The following OR1J2 variants were observed in gnomAD, a reference collection of about 807,000 sequenced individuals.
OR1J2 encodes olfactory receptor family 1 subfamily J member 2, also known as olfactory receptor 1J2.
For missense variants in OR1J2, 304 were observed against 246.1 expected (o/e 1.24, Z -1.57); for synonymous variants, 142 against 99.7 (o/e 1.42, Z -2.52).
chr9:122,476,927 C>A, the OR1J2 span: 1 of 960,804 alleles, frequency 1.0e-6, no homozygotes, highest in African/African-American at 1.6e-5. Context: ...AGGCTGGTCT[C>A]GAACTCCTGA....
At chr9:122,545,729 A>AC in the OR1J2 span, among the ~76,000 whole-genome samples, 61 of 152,224 alleles carry the variant, frequency 4.0e-4, no homozygotes, top group South Asian at 2.3e-3. Context: ...AGAAACTGGG[A>AC]CCCCAGAATT....
chr9:122,523,234 G>C, the OR1J2 span, among the ~76,000 whole-genome samples: 1 of 152,162 alleles, frequency 6.6e-6, no homozygotes, highest in Non-Finnish European at 1.5e-5. Flanking sequence ...TATGTTCAGG[G>C]AAATGTAAGA....
the OR1J2 span, among the ~76,000 whole-genome samples, chr9:122,497,192 G>C: frequency 6.6e-6 from 1 of 152,274 alleles, no homozygotes; most frequent in South Asian, 2.1e-4. Flanking sequence ...CAGTGATCCA[G>C]TTCCTTCAAA....
At chr9:122,467,414 T>G in the OR1J2 span, among the ~76,000 whole-genome samples, 1 of 152,174 alleles carries the variant, frequency 6.6e-6, no homozygotes, top group African/African-American at 2.4e-5. Context: ...GGGGAAATAA[T>G]TTTAGAATTT....
the OR1J2 span, among the ~76,000 whole-genome samples, chr9:122,484,260 C>A: frequency 6.1e-3 from 924 of 152,162 alleles, 7 homozygotes; most frequent in African/African-American, 0.021. Context: ...CTCCTGGGTT[C>A]AAGAGATTCT....
chr9:122,565,343 G>A, the OR1J2 span, among the ~76,000 whole-genome samples: 2 of 152,216 alleles, frequency 1.3e-5, no homozygotes, highest in East Asian at 1.9e-4. Context: ...CAGAAGGGGA[G>A]GTTTTAATAA....
At chr9:122,577,377 A>T in the OR1J2 span, among the ~76,000 whole-genome samples, 1 of 152,230 alleles carries the variant, frequency 6.6e-6, no homozygotes, top group African/African-American at 2.4e-5. Context: ...AGTTTTCAGT[A>T]GTTTTACACA....
At chr9:122,459,907 C>T in the OR1J2 span, among the ~76,000 whole-genome samples, 3 of 152,024 alleles carry the variant, frequency 2.0e-5, no homozygotes, top group Non-Finnish European at 2.9e-5. Flanking sequence ...AAAATAATTG[C>T]GGGTTTTGCC....
chr9:122,549,355 C>T, the OR1J2 span, among the ~76,000 whole-genome samples: 1 of 152,188 alleles, frequency 6.6e-6, no homozygotes, highest in Non-Finnish European at 1.5e-5. Context: ...GTACAGCCTG[C>T]AGAACCATGG....
chr9:122,477,051 C>G, the OR1J2 span: 1 of 1,614,078 alleles, frequency 6.2e-7, no homozygotes, highest in Non-Finnish European at 8.5e-7. Context: ...CTTTATTTCT[C>G]AGACTGTAAA....
chr9:122,481,103 C>T, the OR1J2 span, among the ~76,000 whole-genome samples: 7 of 152,160 alleles, frequency 4.6e-5, no homozygotes, highest in Non-Finnish European at 8.8e-5. Flanking sequence ...CCCATCCACC[C>T]TCTAAAAGGC....
Position 122,511,086 on chromosome 9 carries a change from G to A in OR1J2, c.285G>A (p.Glu95=). 8.6e-7 allele frequency: 1 copy of A among 1,159,226 alleles called. No individual in the cohort carries two copies. Among genetic ancestry groups the A allele is most frequent in the South Asian group, 1.4e-5 (1 of 72,686 alleles). 71.8% of individuals were successfully genotyped at this position (1,159,226 alleles called of 1,614,324 possible). Residue 95 remains glutamate, a synonymous_variant, in exon 1 of 1, where the codon GAG becomes GAA. Transcript: ENST00000335302. The stretch of plus-strand genomic sequence containing the variant: ...CTAAGTACAAATCGATCCTCTATGA[G>A]GAATGCATTTCTCAGATGTATTTTT... ...MRTKYKSILY[E]ECISQMYFFI...
At chr9:122,577,179 T>C in the OR1J2 span, among the ~76,000 whole-genome samples, 1 of 151,216 alleles carries the variant, frequency 6.6e-6, no homozygotes, top group Non-Finnish European at 1.5e-5. Flanking sequence ...TGACCTAGTC[T>C]TTTTTTTAAC....
chr9:122,469,134 G>A, the OR1J2 span, among the ~76,000 whole-genome samples: 11 of 152,198 alleles, frequency 7.2e-5, no homozygotes, highest in South Asian at 2.1e-4. Flanking sequence ...GTTTGCCCTC[G>A]CTTGAGCCTG....
the OR1J2 span, among the ~76,000 whole-genome samples, chr9:122,478,240 T>C: frequency 6.6e-6 from 1 of 152,222 alleles, no homozygotes; most frequent in African/African-American, 2.4e-5. Context: ...GCCTTCAATA[T>C]ATGAGCTGGG....
At chr9:122,522,766 A>G in the OR1J2 span, among the ~76,000 whole-genome samples, 1 of 152,218 alleles carries the variant, frequency 6.6e-6, no homozygotes, top group African/African-American at 2.4e-5. Flanking sequence ...ATTCTTGGTC[A>G]AACAGATCTG....
At chr9:122,472,117 C>T in the OR1J2 span, among the ~76,000 whole-genome samples, 1 of 152,096 alleles carries the variant, frequency 6.6e-6, no homozygotes, top group African/African-American at 2.4e-5. Context: ...CCCTAATGGG[C>T]CTTTCAAAGT....
the OR1J2 span, among the ~76,000 whole-genome samples, chr9:122,484,729 A>G: frequency 6.6e-6 from 1 of 152,210 alleles, no homozygotes; most frequent in African/African-American, 2.4e-5. Flanking sequence ...AAAAAAAAGT[A>G]GGACAAGAAG....
chr9:122,473,535 C>A, the OR1J2 span, among the ~76,000 whole-genome samples: 1 of 152,116 alleles, frequency 6.6e-6, no homozygotes, highest in South Asian at 2.1e-4. Context: ...TGGAAGAATT[C>A]TTTGTTTTCC....
Sources: allele counts gnomAD v4.1 joint callset (sites outside exome capture counted in the v4.1 genomes callset), GRCh38; gene constraint gnomAD v4.1.1; transcripts MANE v1.5; gene names NCBI Gene and HGNC (gene_info 2026-07-23, HGNC 2026-07-21).